DOCK5: variants seen among roughly 807,000 people sequenced by gnomAD.
DOCK5 encodes the protein dedicator of cytokinesis protein 5.
Under a neutral mutation model 251.8 loss-of-function variants are expected in DOCK5, and 142 were observed. That is an observed-to-expected ratio of 0.56 (90% confidence interval 0.49 to 0.65). The LOEUF (loss-of-function observed/expected upper bound fraction) is 0.65, where lower values mean the gene tolerates loss of function less well. Among genes scored for constraint, DOCK5 ranks in the 30% least tolerant of loss-of-function variants. The probability of loss-of-function intolerance (pLI) is 0.00; values close to 1 mark genes in which losing one functional copy is unlikely to be tolerated. For missense variants in DOCK5, 2,111 were observed against 2,312.3 expected, an observed-to-expected ratio of 0.91 and a Z score of 1.79; for synonymous variants, 842 against 835.5, an observed-to-expected ratio of 1.01 and a Z score of -0.13.
At chr8:25,350,164 T>C (rs543580986) in intron 26 of DOCK5, among the ~76,000 whole-genome samples, 41 of 152,306 alleles carry the variant, frequency 2.7e-4, no homozygotes, top group African/African-American at 9.6e-4. Context: ...ATTACGTGGA[T>C]CAAATCTTCA....
chr8:25,403,457 C>A, intron 47 of DOCK5, 101 bp from the exon 48 acceptor site: 1 of 1,292,724 alleles, frequency 7.7e-7, no homozygotes, highest in Non-Finnish European at 1.1e-6. Flanking sequence ...ATAACCAGTA[C>A]AGATGGGTAC....
chr8:25,268,941 A>G (rs1206756267), intron 3 of DOCK5, 56 bp downstream of exon 3: 7 of 1,445,222 alleles, frequency 4.8e-6, no homozygotes, highest in Admixed American at 4.2e-5. Flanking sequence ...CTAGTTTTGT[A>G]TTGTGCTATG....
In DOCK5 at chr8:25,302,402, G is replaced by A. The variant is rs772272983; in HGVS notation, c.924G>A (p.Leu308=). The A allele has an allele frequency of 6.2e-7, 1 of 1,604,562 alleles. No individual in the cohort carries two copies. Among genetic ancestry groups the A allele is most frequent in the Non-Finnish European group, 8.5e-7 (1 of 1,175,634 alleles). The change falls in exon 10 of 52, where the codon CTG becomes CTA. Residue 308 remains leucine (L), a synonymous_variant. Transcript: ENST00000276440. ...TTGTCCGCGTGGGCCATATGGAGCTGAAGGAAGGCAAGAAGCACACCTGTG... is the reference window on the plus strand; with the variant it reads ...TTGTCCGCGTGGGCCATATGGAGCTAAAGGAAGGCAAGAAGCACACCTGTG... ...CQIVRVGHME[L]KEGKKHTCGL...
chr8:25,197,645 G>A (rs572464116), intron 1 of DOCK5, among the ~76,000 whole-genome samples: 29 of 138,274 alleles, frequency 2.1e-4, no homozygotes, highest in African/African-American at 6.4e-4. Flanking sequence ...GTACAATGGC[G>A]TGATCTCGGC....
At chr8:25,276,692 A>T (rs1358858850) in intron 4 of DOCK5, among the ~76,000 whole-genome samples, 3 of 152,146 alleles carry the variant, frequency 2.0e-5, no homozygotes, top group African/African-American at 4.8e-5. Context: ...TATGATGGGC[A>T]AGCTTTATTT....
At chr8:25,272,395 C>G (rs142367455) in intron 3 of DOCK5, among the ~76,000 whole-genome samples, 92 of 152,312 alleles carry the variant, frequency 6.0e-4, no homozygotes, top group African/African-American at 2.2e-3. Flanking sequence ...TGCTTATGAT[C>G]TGCTTAGATG....
At chr8:25,210,910 C>G (rs1802117105) in intron 1 of DOCK5, among the ~76,000 whole-genome samples, 1 of 68,752 alleles carries the variant, frequency 1.5e-5, no homozygotes, top group African/African-American at 3.3e-5. Flanking sequence ...AGGTGGGAGA[C>G]AGGTTGAGAG....
At chr8:25,356,907 TTATATATATATATATATATA>T (rs34216387) in intron 27 of DOCK5, among the ~76,000 whole-genome samples, 179 of 131,286 alleles carry the variant, frequency 1.4e-3, no homozygotes, top group East Asian at 2.8e-3. Flanking sequence ...TATATGAAGA[TTATATATATATATATATATA>T]TATATATATA....
At chr8:25,390,961 G>A (rs557738420) in intron 42 of DOCK5, among the ~76,000 whole-genome samples, 6 of 151,730 alleles carry the variant, frequency 4.0e-5, no homozygotes, top group African/African-American at 7.3e-5. Flanking sequence ...GGTACACGCC[G>A]CCACACCTGG....
rs1801674991 is a variant in DOCK5 at position 25,414,198 on chromosome 8, G to A, written c.*2900G>A. The A allele has an allele frequency of 6.6e-6, 1 of 152,026 alleles. No homozygotes were observed. Among genetic ancestry groups the A allele is most frequent in the Non-Finnish European group, 1.5e-5 (1 of 68,026 alleles). 9.4% of individuals were successfully genotyped at this position (152,026 alleles called of 1,614,324 possible). ...GATTGTTTTATTCAACATATATCAA[G>A]TTCTTATGGAATGCCAGTCATGGTA... On this transcript the variant is annotated 3_prime_UTR_variant, in exon 52 of 52. Transcript: ENST00000276440.
At chr8:25,398,478 G>A (rs1279643143) in intron 45 of DOCK5, among the ~76,000 whole-genome samples, 1 of 152,116 alleles carries the variant, frequency 6.6e-6, no homozygotes, top group Non-Finnish European at 1.5e-5. Flanking sequence ...CAAACTGGGT[G>A]GCTTAAAACA....
At chr8:25,253,416 T>C (rs1213811089) in intron 2 of DOCK5, among the ~76,000 whole-genome samples, 1 of 152,094 alleles carries the variant, frequency 6.6e-6, no homozygotes, top group Non-Finnish European at 1.5e-5. Context: ...GGGAGCAGAG[T>C]CCTTCCATCC....
intron 36 of DOCK5, among the ~76,000 whole-genome samples, chr8:25,374,048 T>A (rs1800920900): frequency 6.6e-6 from 1 of 152,178 alleles, no homozygotes; most frequent in African/African-American, 2.4e-5. Context: ...TAGCTTTCAT[T>A]AGCTTCCCAG....
intron 1 of DOCK5, among the ~76,000 whole-genome samples, chr8:25,220,951 G>A (rs1050372423): frequency 4.6e-5 from 7 of 152,064 alleles, no homozygotes; most frequent in African/African-American, 1.7e-4. Flanking sequence ...TCCCGTGGGA[G>A]TGGAGAAGGG....
At chr8:25,239,319 A>ATG (rs746237389) in intron 1 of DOCK5, among the ~76,000 whole-genome samples, 2,712 of 131,006 alleles carry the variant, frequency 0.021, 23 homozygotes, top group African/African-American at 0.035. Context: ...GTGCGTGTAT[A>ATG]TGTGTGTGTG....
intron 11 of DOCK5, chr8:25,305,106 G>A (rs970737233): frequency 2.6e-5 from 4 of 152,212 alleles, no homozygotes; most frequent in Admixed American, 6.6e-5. Context: ...GAGCATTGCC[G>A]GGACCAAGTC....
chr8:25,197,166 T>A (rs1446136286), intron 1 of DOCK5, among the ~76,000 whole-genome samples: 2 of 152,222 alleles, frequency 1.3e-5, no homozygotes, highest in Non-Finnish European at 2.9e-5. Flanking sequence ...TTTGACTGAT[T>A]TATAACTACA....
At chr8:25,353,221 G>A (rs190982423) in intron 27 of DOCK5, among the ~76,000 whole-genome samples, 31 of 152,160 alleles carry the variant, frequency 2.0e-4, no homozygotes, top group Non-Finnish European at 3.4e-4. Context: ...GTGCCTGTAC[G>A]CCCAGCTACT....
chr8:25,295,584 C>T (rs1157671061), intron 6 of DOCK5, among the ~76,000 whole-genome samples: 1 of 152,164 alleles, frequency 6.6e-6, no homozygotes, highest in African/African-American at 2.4e-5. Context: ...CAAGCCAGGA[C>T]TTACTTCACT....
Sources: allele counts gnomAD v4.1 joint callset (sites outside exome capture counted in the v4.1 genomes callset), GRCh38; gene constraint gnomAD v4.1.1; transcripts MANE v1.5; gene names NCBI Gene and HGNC (gene_info 2026-07-23, HGNC 2026-07-21).